Variants in CSMD1 observed in about 807,000 individuals in gnomAD.
CSMD1 encodes CUB and Sushi multiple domains 1.
In CSMD1, 213 loss-of-function variants were observed where a neutral mutation model predicts 417.5. The observed-to-expected ratio is 0.51, with a 90% CI of 0.46 to 0.57. The LOEUF (loss-of-function observed/expected upper bound fraction) is 0.57. Ranked by LOEUF, CSMD1 falls within the 20% of genes least tolerant of loss-of-function variation. The pLI is 0.00. For synonymous variants in CSMD1, 2,862 were observed against 1,736.8 expected (o/e 1.65, Z -16.11); for missense variants, 6,923 against 4,529.7 (o/e 1.53, Z -15.17).
intron 41 of CSMD1, among the ~76,000 whole-genome samples, chr8:3,124,922 G>C (rs1040208726): frequency 2.6e-5 from 4 of 152,176 alleles, no homozygotes; most frequent in South Asian, 2.1e-4. Context: ...TATACACTAA[G>C]TAAGAGTATC....
intron 1 of CSMD1, among the ~76,000 whole-genome samples, chr8:4,994,035 A>T (rs1046992501): frequency 6.6e-6 from 1 of 151,388 alleles, no homozygotes; most frequent in Non-Finnish European, 1.5e-5. Context: ...TTCCAGCCCA[A>T]CTCGTATTGG....
intron 3 of CSMD1, among the ~76,000 whole-genome samples, chr8:4,089,333 C>T (rs10105480): frequency 0.99 from 150,423 of 152,300 alleles, 74,313 homozygotes; most frequent in South Asian, 1. Flanking sequence ...GAAGAGAGCT[C>T]GGTATGGGGG....
At chr8:4,059,832 A>G (rs1798879322) in intron 3 of CSMD1, among the ~76,000 whole-genome samples, 1 of 150,144 alleles carries the variant, frequency 6.7e-6, no homozygotes, top group Non-Finnish European at 1.5e-5. Flanking sequence ...GTCCAGGACC[A>G]GATGGATTCA....
intron 3 of CSMD1, among the ~76,000 whole-genome samples, chr8:4,367,585 T>C (rs1411465344): frequency 6.6e-6 from 1 of 152,178 alleles, no homozygotes; most frequent in Non-Finnish European, 1.5e-5. Flanking sequence ...GTTTTTCTTT[T>C]TCTAATTCTG....
At chr8:4,067,448 G>A (rs886820746) in intron 3 of CSMD1, among the ~76,000 whole-genome samples, 3 of 151,758 alleles carry the variant, frequency 2.0e-5, no homozygotes, top group Admixed American at 6.6e-5. Context: ...TTGTTATACA[G>A]TGGTATATCA....
chr8:4,221,048 G>C (rs1237613245), intron 3 of CSMD1, among the ~76,000 whole-genome samples: 7 of 152,090 alleles, frequency 4.6e-5, no homozygotes, highest in Admixed American at 4.6e-4. Context: ...CTTTTCCCAT[G>C]AGCGAAAAAC....
At chr8:4,185,742 A>G (rs1209486121) in intron 3 of CSMD1, among the ~76,000 whole-genome samples, 1 of 152,202 alleles carries the variant, frequency 6.6e-6, no homozygotes, top group Admixed American at 6.5e-5. Flanking sequence ...GCCTTTGAAG[A>G]GCTATCATTT....
At chr8:4,471,726 AAC>A (rs1274877155) in intron 2 of CSMD1, among the ~76,000 whole-genome samples, 5 of 135,710 alleles carry the variant, frequency 3.7e-5, no homozygotes, top group Non-Finnish European at 8.4e-5. Context: ...AAATGCAGCA[AAC>A]ACGCGGAGAA....
Position 2,957,762 on chromosome 8 carries a change from G to T in CSMD1, c.9748C>A (p.Gln3250Lys). 1 of 1,598,148 alleles carries T rather than the reference G, an allele frequency of 6.3e-7. No homozygotes were observed. The highest frequency in any genetic ancestry group is 8.5e-7 in the Non-Finnish European group (1 of 1,171,484). The change falls in exon 63 of 70, where the codon CAA becomes AAA. Residue 3250 changes from glutamine to lysine, a missense_variant. Gln to Lys is a moderately conservative substitution (Grantham distance 53). Transcript: ENST00000635120. The part of the protein sequence containing the change: ...FFRCRKGYHI[Q>K]GSTTRTCLAN... ...AGGCAGGTGCGAGTCGTGGAACCTT[G>T]AATATGGTAGCCTTTTCTGCACCTG... is the stretch of plus-strand genomic sequence containing the variant.
At chr8:3,174,434 G>A (rs1820782218) in intron 37 of CSMD1, among the ~76,000 whole-genome samples, 2 of 152,180 alleles carry the variant, frequency 1.3e-5, no homozygotes, top group Admixed American at 1.3e-4. Flanking sequence ...GGTTGAGACT[G>A]AAGTGAGCTG....
At position 3,205,515 on chromosome 8, in the gene CSMD1, G is replaced by C; in HGVS notation, c.4973C>G (p.Pro1658Arg). The C allele has an allele frequency of 6.5e-7, 1 of 1,537,018 alleles. No individual in the cohort carries two copies. The highest frequency in any genetic ancestry group is 1.4e-5 in the African/African-American group (1 of 73,366). Residue 1658 changes from proline to arginine, a missense_variant, in exon 31 of 70, where the codon CCA becomes CGA. Coordinates refer to ENST00000635120, the MANE Select transcript of CSMD1 (RefSeq NM_033225.6). The stretch of plus-strand genomic sequence containing the variant: ...AAGGACATCCTTACCGAATTCCTTT[G>C]GTACCGTGATGGAATAGAGGCATAT... ...GQICLYSITV[P>R]KEFVVFGQFA...
intron 12 of CSMD1, among the ~76,000 whole-genome samples, chr8:3,421,240 T>G (rs779465053): frequency 2.3e-4 from 35 of 152,182 alleles, no homozygotes; most frequent in Non-Finnish European, 4.7e-4. Flanking sequence ...GTATAAAAGG[T>G]GGTGGTCTTC....
intron 1 of CSMD1, among the ~76,000 whole-genome samples, chr8:4,784,067 G>A (rs539222523): frequency 2.6e-5 from 4 of 152,186 alleles, no homozygotes; most frequent in African/African-American, 7.2e-5. Context: ...ATATTTTTGA[G>A]GGATTGTCAT....
At chr8:3,939,621 G>C (rs1489531071) in intron 5 of CSMD1, among the ~76,000 whole-genome samples, 1 of 152,072 alleles carries the variant, frequency 6.6e-6, no homozygotes, top group Non-Finnish European at 1.5e-5. Flanking sequence ...CAATGAAAGT[G>C]ATCATCAGCC....
chr8:4,434,077 C>G (rs1001110841), intron 2 of CSMD1, among the ~76,000 whole-genome samples: 12 of 152,152 alleles, frequency 7.9e-5, no homozygotes, highest in African/African-American at 2.7e-4. Context: ...GGGACTCACG[C>G]CTGTGATCCC....
chr8:4,015,915 A>G (rs752899083), intron 4 of CSMD1, among the ~76,000 whole-genome samples: 10 of 152,192 alleles, frequency 6.6e-5, no homozygotes, highest in Non-Finnish European at 1.3e-4. Context: ...AACAAATGGC[A>G]ACAAACAACA....
intron 5 of CSMD1, among the ~76,000 whole-genome samples, chr8:3,938,099 G>C (rs923912047): frequency 2.0e-5 from 3 of 152,118 alleles, no homozygotes; most frequent in Non-Finnish European, 2.9e-5. Flanking sequence ...TAGAAATTTT[G>C]AAAGTGTGAA....
intron 3 of CSMD1, among the ~76,000 whole-genome samples, chr8:4,170,178 C>G (rs1468770641): frequency 6.6e-6 from 1 of 151,794 alleles, no homozygotes; most frequent in South Asian, 2.1e-4. Flanking sequence ...AGTGAAGGAC[C>G]TTTCACAGTC....
chr8:4,778,763 G>C (rs1288173996), intron 1 of CSMD1, among the ~76,000 whole-genome samples: 2 of 152,174 alleles, frequency 1.3e-5, no homozygotes, highest in African/African-American at 4.8e-5. Context: ...TCTCATAGTG[G>C]TTTGTTTAGG....
Sources: allele counts gnomAD v4.1 joint callset (sites outside exome capture counted in the v4.1 genomes callset), GRCh38; gene constraint gnomAD v4.1.1; transcripts MANE v1.5; gene names NCBI Gene and HGNC (gene_info 2026-07-23, HGNC 2026-07-21).